Variants in PPIL6 observed in about 807,000 individuals in gnomAD.
PPIL6 encodes probable inactive peptidyl-prolyl cis-trans isomerase-like 6.
Under a neutral mutation model 36.8 loss-of-function variants are expected in PPIL6, and 39 were observed. The observed-to-expected ratio is 1.06, with a 90% CI of 0.82 to 1.38. The LOEUF (loss-of-function observed/expected upper bound fraction) is 1.38. Ranked by LOEUF, PPIL6 falls within the 40% of genes most tolerant of loss-of-function variation. PPIL6 has a pLI of 0.00. For synonymous variants in PPIL6, 123 were observed against 134.1 expected (o/e 0.92, Z 0.57); for missense variants, 368 against 379.1 (o/e 0.97, Z 0.24).
chr6:109,409,583 G>C (rs1033664302), intron 6 of PPIL6, among the ~76,000 whole-genome samples: 1 of 149,784 alleles, frequency 6.7e-6, no homozygotes, highest in African/African-American at 2.4e-5. Context: ...AAAAAAGAAA[G>C]AGGTCAAATT....
chr6:109,396,558 T>C (rs937609707), intron 7 of PPIL6, among the ~76,000 whole-genome samples: 6 of 152,186 alleles, frequency 3.9e-5, no homozygotes, highest in African/African-American at 1.4e-4. Context: ...ATTTGACTCA[T>C]TGTGATTTCT....
intron 7 of PPIL6, among the ~76,000 whole-genome samples, chr6:109,397,312 G>T (rs764949366): frequency 6.6e-6 from 1 of 151,788 alleles, no homozygotes; most frequent in South Asian, 2.1e-4. Flanking sequence ...TAGAGAACAG[G>T]AACCATCAAA....
At chr6:109,421,934 T>C (rs996554308) in intron 5 of PPIL6, among the ~76,000 whole-genome samples, 7 of 152,106 alleles carry the variant, frequency 4.6e-5, no homozygotes, top group African/African-American at 1.7e-4. Context: ...TGGAGTGCAG[T>C]GGCATCATCT....
At chr6:109,430,735 C>G (rs1239525743) in intron 3 of PPIL6, among the ~76,000 whole-genome samples, 1 of 152,154 alleles carries the variant, frequency 6.6e-6, no homozygotes, top group Non-Finnish European at 1.5e-5. Context: ...TGTGTTCATG[C>G]TTTAAAATGT....
chr6:109,405,497 CA>C (rs1404245096), intron 6 of PPIL6, among the ~76,000 whole-genome samples: 4 of 152,196 alleles, frequency 2.6e-5, no homozygotes, highest in African/African-American at 9.6e-5. Context: ...GTTGATTGCA[CA>C]CATGGTACAG....
chr6:109,438,529 C>A (rs900585790), intron 1 of PPIL6, among the ~76,000 whole-genome samples: 1 of 151,826 alleles, frequency 6.6e-6, no homozygotes, highest in East Asian at 1.9e-4. Context: ...ATTGTTTTCT[C>A]GACCTACTGT....
chr6:109,434,375 G>A (rs931057297), intron 2 of PPIL6, among the ~76,000 whole-genome samples: 6 of 152,110 alleles, frequency 3.9e-5, no homozygotes, highest in African/African-American at 1.4e-4. Flanking sequence ...GGCCAAAATA[G>A]CGAGACCCTG....
At chr6:109,434,901 G>A (rs1774361207) in intron 2 of PPIL6, among the ~76,000 whole-genome samples, 1 of 152,214 alleles carries the variant, frequency 6.6e-6, no homozygotes, top group African/African-American at 2.4e-5. Flanking sequence ...TGAACAGGTT[G>A]TCACCCAACA....
intron 6 of PPIL6, among the ~76,000 whole-genome samples, chr6:109,411,664 T>C (rs571440476): frequency 1.3e-5 from 2 of 152,346 alleles, no homozygotes; most frequent in African/African-American, 2.4e-5. Flanking sequence ...CTTGCTTATT[T>C]AACCTCTTAG....
chr6:109,430,753 C>G (rs1326778272), intron 3 of PPIL6, among the ~76,000 whole-genome samples: 1 of 152,198 alleles, frequency 6.6e-6, no homozygotes, highest in Non-Finnish European at 1.5e-5. Context: ...TGTCACCTTT[C>G]TTCAAACAAC....
Position 109,440,600 on chromosome 6 carries a change from CG to C in PPIL6, c.-11del. On this transcript the variant is annotated 5_prime_UTR_variant, in exon 1 of 8. Coordinates refer to ENST00000521072, the MANE Select transcript of PPIL6 (RefSeq NM_173672.5). ...GCTGCGGCCTTGCCATGGCCGCGCC[CG>C]GGGACGCCCGGTGACCCCAAACACT... The C allele has an allele frequency of 7.5e-7, 1 of 1,332,130 alleles. No homozygotes were observed. 82.5% of individuals were successfully genotyped at this position (1,332,130 alleles called of 1,614,324 possible).
chr6:109,405,134 T>C, intron 6 of PPIL6: 5 of 347,212 alleles, frequency 1.4e-5, no homozygotes, highest in South Asian at 1.1e-4. Context: ...AGAAAACTAA[T>C]GTATAAAGTT....
chr6:109,437,548 C>CTTTTTTTTTTTTTT (rs71551374), intron 1 of PPIL6, among the ~76,000 whole-genome samples: 4 of 97,956 alleles, frequency 4.1e-5, no homozygotes, highest in Non-Finnish European at 8.0e-5. Context: ...TATTTCTTTT[C>CTTTTTTTTTTTTTT]TTTTTTTTTT....
Position 109,390,906 on chromosome 6 carries a change from C to G in PPIL6, c.*1920G>C, listed in dbSNP as rs957517067. On this transcript the variant is annotated 3_prime_UTR_variant, in exon 8 of 8. Coordinates refer to ENST00000521072, the MANE Select transcript of PPIL6 (RefSeq NM_173672.5). The stretch of plus-strand genomic sequence containing the variant: ...AAGCCTACGCCTACTTTTGGCAAGC[C>G]TCATATCCATTAGAAGCCTGCCTCT... 5.3e-5 allele frequency: 8 copies of G among 152,124 alleles called. No homozygotes were observed. Among genetic ancestry groups the G allele is most frequent in the Admixed American group, 3.9e-4 (6 of 15,258 alleles). The allele number at this position is 152,124 out of a possible 1,614,324, so 9.4% of individuals were successfully genotyped here.
At chr6:109,418,175 T>C (rs1179165229) in intron 6 of PPIL6, 1 of 153,208 alleles carries the variant, frequency 6.5e-6, no homozygotes, top group Non-Finnish European at 1.5e-5. Flanking sequence ...CTCTTTGTCA[T>C]GATTGTCCCT....
intron 7 of PPIL6, among the ~76,000 whole-genome samples, chr6:109,394,741 A>G (rs1450211719): frequency 2.0e-5 from 3 of 152,254 alleles, no homozygotes; most frequent in African/African-American, 4.8e-5. Flanking sequence ...ATTTCTGTCC[A>G]AAGAGAGTAT....
At chr6:109,392,965 TAGTC>T in intron 7 of PPIL6, 28 bp from the exon 8 acceptor site, 1 of 1,344,740 alleles carries the variant, frequency 7.4e-7, no homozygotes, top group Non-Finnish European at 1.1e-6. Flanking sequence ...ATGGAAAATT[TAGTC>T]AGTCATAAGT....
intron 5 of PPIL6, among the ~76,000 whole-genome samples, chr6:109,420,820 C>G (rs768833291): frequency 3.3e-5 from 5 of 152,194 alleles, no homozygotes; most frequent in Non-Finnish European, 7.3e-5. Context: ...CAGCACCAAG[C>G]ATGTAGAGAG....
At chr6:109,426,454 G>A (rs1773819215) in intron 5 of PPIL6, among the ~76,000 whole-genome samples, 1 of 152,164 alleles carries the variant, frequency 6.6e-6, no homozygotes, top group Non-Finnish European at 1.5e-5. Flanking sequence ...TGTTTGGTGA[G>A]AAATAAGTTG....
Sources: allele counts gnomAD v4.1 joint callset (sites outside exome capture counted in the v4.1 genomes callset), GRCh38; gene constraint gnomAD v4.1.1; transcripts MANE v1.5; gene names NCBI Gene and HGNC (gene_info 2026-07-23, HGNC 2026-07-21).